ESRRB: variants seen among roughly 807,000 people sequenced by gnomAD.
ESRRB encodes the protein estrogen related receptor beta.
ESRRB carries 16 observed loss-of-function variants against 46.0 expected under a neutral mutation model. That is an observed-to-expected ratio of 0.35 (90% CI 0.24 to 0.53). The LOEUF (loss-of-function observed/expected upper bound fraction) is 0.53. ESRRB is among the 20% of genes least tolerant of loss of function. The pLI is 0.93. For missense variants in ESRRB, 488 were observed against 607.4 expected, an observed-to-expected ratio of 0.80 and a Z score of 2.07; for synonymous variants, 246 against 259.6, an observed-to-expected ratio of 0.95 and a Z score of 0.50.
At chr14:76,483,914 C>A (rs943489749) in intron 5 of ESRRB, among the ~76,000 whole-genome samples, 7 of 152,160 alleles carry the variant, frequency 4.6e-5, no homozygotes, top group African/African-American at 1.7e-4. Context: ...AGTGTAATGG[C>A]GCGATCTCGG....
chr14:76,388,247 C>T (rs1885323156), intron 1 of ESRRB, among the ~76,000 whole-genome samples: 1 of 146,412 alleles, frequency 6.8e-6, no homozygotes, highest in Non-Finnish European at 1.5e-5. Flanking sequence ...GGCGCAATCT[C>T]GGCTCACTGC....
At chr14:76,442,242 G>A (rs375677955) in intron 2 of ESRRB, among the ~76,000 whole-genome samples, 2 of 152,202 alleles carry the variant, frequency 1.3e-5, no homozygotes, top group African/African-American at 4.8e-5. Context: ...TCAGGAAGCC[G>A]AGGAGGGTGG....
At chr14:76,445,055 C>T (rs920242557) in intron 2 of ESRRB, among the ~76,000 whole-genome samples, 2 of 151,800 alleles carry the variant, frequency 1.3e-5, no homozygotes, top group Non-Finnish European at 2.9e-5. Context: ...GCCTGTAATC[C>T]CTGCTTCTTG....
chr14:76,333,708 C>G (rs996244910), intron 1 of ESRRB, among the ~76,000 whole-genome samples: 2 of 151,584 alleles, frequency 1.3e-5, no homozygotes, highest in African/African-American at 4.9e-5. Flanking sequence ...AAAATATTAT[C>G]ATTTCGACAT....
Position 76,439,279 on chromosome 14 carries a change from T to C in ESRRB, c.51-62T>C, listed in dbSNP as rs757233816. 6.7e-4 allele frequency: 1,072 copies of C among 1,591,792 alleles called. 1 individual carries two copies. The highest frequency in any genetic ancestry group is 9.3e-4 in the Admixed American group (56 of 59,986). On this transcript the variant is annotated intron_variant, in intron 1 of 6. Coordinates refer to ENST00000644823, the MANE Select transcript of ESRRB (RefSeq NM_001379180.1). Reference sequence around the variant, plus strand: ...TTCCCAGCCACCCTACCTGCGGGGCTGGACCCGCCCACCACACCCACAGCA... The same window carrying C: ...TTCCCAGCCACCCTACCTGCGGGGCCGGACCCGCCCACCACACCCACAGCA...
chr14:76,445,466 C>CAAAAAAAAAAAAAAAAAAAAAA (rs747627410), intron 2 of ESRRB, among the ~76,000 whole-genome samples: 1 of 79,774 alleles, frequency 1.3e-5, no homozygotes, highest in Admixed American at 1.6e-4. Context: ...AACTCCGTCT[C>CAAAAAAAAAAAAAAAAAAAAAA]AAAAAAAAAA....
At position 76,439,172 on chromosome 14, in the gene ESRRB, C is replaced by T. The variant is rs537093976; in HGVS notation, c.51-169C>T. On this transcript the variant is annotated intron_variant, in intron 1 of 6. Coordinates refer to ENST00000644823, the MANE Select transcript of ESRRB (RefSeq NM_001379180.1). ...AAGGTTTTGGAGGTAATGCCAGAAA[C>T]TTGCTCCCGGCTGCGCCGAGGGGAG... 2.6e-5 allele frequency among the ~76,000 whole-genome samples: 4 copies of T among 152,330 alleles called. No homozygotes were observed. The Middle Eastern group carries it at 0.01, about 389-fold the overall frequency.
intron 1 of ESRRB, among the ~76,000 whole-genome samples, chr14:76,438,335 T>A (rs527255955): frequency 5.5e-4 from 83 of 152,262 alleles, no homozygotes; most frequent in African/African-American, 1.9e-3. Context: ...GTACTTAGTC[T>A]CTGGGCCAAA....
chr14:76,328,842 G>A (rs1883969012), intron 1 of ESRRB, among the ~76,000 whole-genome samples: 1 of 152,130 alleles, frequency 6.6e-6, no homozygotes, highest in African/African-American at 2.4e-5. Flanking sequence ...GCACTGCTGT[G>A]TCTGTCTTCC....
At chr14:76,329,461 A>G (rs1385981699) in intron 1 of ESRRB, among the ~76,000 whole-genome samples, 1 of 152,124 alleles carries the variant, frequency 6.6e-6, no homozygotes, top group African/African-American at 2.4e-5. Context: ...TGCACAGCAC[A>G]CTCCAGGCAC....
At chr14:76,327,920 G>A (rs1883954469) in intron 1 of ESRRB, among the ~76,000 whole-genome samples, 1 of 151,818 alleles carries the variant, frequency 6.6e-6, no homozygotes, top group South Asian at 2.1e-4. Context: ...CACCATGTTG[G>A]CCAGGCTGGT....
Position 76,464,059 on chromosome 14 carries a change from G to A in ESRRB, c.577+1398G>A, listed in dbSNP as rs1023205528. On this transcript the variant is annotated intron_variant, in intron 3 of 6. Transcript: ENST00000644823. ...ACCATTTTGGGGATGGGTCGTGAGTGTATGTGTTTCCCTGCTTCTCCAGCT... is the reference window on the plus strand; with the variant it reads ...ACCATTTTGGGGATGGGTCGTGAGTATATGTGTTTCCCTGCTTCTCCAGCT... 4.6e-5 allele frequency among the ~76,000 whole-genome samples: 7 copies of A among 152,288 alleles called. No homozygotes were observed. In the East Asian group the frequency reaches 7.7e-4, roughly 17 times the overall value.
At chr14:76,441,200 T>G (rs1309439303) in intron 2 of ESRRB, among the ~76,000 whole-genome samples, 1 of 152,200 alleles carries the variant, frequency 6.6e-6, no homozygotes, top group Non-Finnish European at 1.5e-5. Flanking sequence ...CGACAGTCGC[T>G]GCCACCACAC....
intron 1 of ESRRB, among the ~76,000 whole-genome samples, chr14:76,348,982 G>A (rs756225375): frequency 4.6e-5 from 7 of 152,148 alleles, no homozygotes; most frequent in Non-Finnish European, 8.8e-5. Context: ...AGGCCTGCTC[G>A]TGAGTCATCT....
chr14:76,421,113 C>G (rs1167312472), intron 1 of ESRRB, among the ~76,000 whole-genome samples: 1 of 152,248 alleles, frequency 6.6e-6, no homozygotes, highest in African/African-American at 2.4e-5. Flanking sequence ...AGCCTTGCCC[C>G]TCCTCCCAGC....
At chr14:76,438,877 T>C (rs1887784672) in intron 1 of ESRRB, among the ~76,000 whole-genome samples, 1 of 152,014 alleles carries the variant, frequency 6.6e-6, no homozygotes, top group Non-Finnish European at 1.5e-5. Context: ...CATAGCTCAC[T>C]ACAGCCTTAA....
rs1368040979 is a variant in ESRRB, at chr14:76,462,617, C to A, written c.533C>A (p.Ala178Asp). The change falls in exon 3 of 7, where the codon GCC becomes GAC. Residue 178 changes from alanine (A) to aspartate (D), a missense_variant. Coordinates refer to ENST00000644823, the MANE Select transcript of ESRRB (RefSeq NM_001379180.1). ...AAACGGAGGCGCAAGTCCTGCCAGGCCTGCCGCTTCATGAAATGCCTCAAA... is the reference window on the plus strand; with the variant it reads ...AAACGGAGGCGCAAGTCCTGCCAGGACTGCCGCTTCATGAAATGCCTCAAA... ...ITKRRRKSCQ[A>D]CRFMKCLKVG... 1 of 1,613,998 alleles carries A rather than the reference C, an allele frequency of 6.2e-7. No individual in the cohort carries two copies. The highest frequency in any genetic ancestry group is 1.3e-5 in the African/African-American group (1 of 74,926).
intron 1 of ESRRB, among the ~76,000 whole-genome samples, chr14:76,327,502 G>T (rs957921282): frequency 1.3e-5 from 2 of 152,020 alleles, no homozygotes; most frequent in Non-Finnish European, 2.9e-5. Context: ...TGATGATGAT[G>T]ATGATGATGA....
intron 1 of ESRRB, among the ~76,000 whole-genome samples, chr14:76,432,671 CTT>C (rs529243634): frequency 4.5e-5 from 5 of 111,432 alleles, no homozygotes; most frequent in Admixed American, 9.4e-5. Flanking sequence ...TTCTCTCTCT[CTT>C]TTTTTTTTTT....
Sources: allele counts gnomAD v4.1 joint callset (sites outside exome capture counted in the v4.1 genomes callset), GRCh38; gene constraint gnomAD v4.1.1; transcripts MANE v1.5; gene names NCBI Gene and HGNC (gene_info 2026-07-23, HGNC 2026-07-21).